The following DMD variants were observed in gnomAD, a reference collection of about 807,000 sequenced individuals.
DMD encodes dystrophin.
DMD carries 63 observed loss-of-function variants against 330.1 expected under a neutral mutation model. The observed-to-expected ratio is 0.19, with a 90% confidence interval of 0.16 to 0.24. The LOEUF (loss-of-function observed/expected upper bound fraction) is 0.24, where lower values mean the gene tolerates loss of function less well. Ranked by LOEUF, DMD falls within the 10% of genes least tolerant of loss-of-function variation. The pLI, the probability that DMD is intolerant of heterozygous loss-of-function variation, is 1.00. For synonymous variants in DMD, 1,223 were observed against 959.8 expected (o/e 1.27, Z -5.07); for missense variants, 3,344 against 2,684.1 (o/e 1.25, Z -5.43).
chrX:31,468,310 G>A (rs1429048796), intron 59 of DMD, among the ~76,000 whole-genome samples: 1 of 112,105 alleles, frequency 8.9e-6, no homozygotes, highest in Non-Finnish European at 1.9e-5. Context: ...TTTTAATGCT[G>A]TAAATTTCCC....
At chrX:32,655,610 A>G (rs1409509629) in intron 9 of DMD, among the ~76,000 whole-genome samples, 1 of 111,923 alleles carries the variant, frequency 8.9e-6, no homozygotes, top group East Asian at 2.8e-4. Context: ...AAGAATGTAT[A>G]ATCTGTTGAT....
chrX:33,253,470 C>A (rs2052804423), intron 1 of DMD, among the ~76,000 whole-genome samples: 1 of 111,289 alleles, frequency 9.0e-6, no homozygotes, highest in Non-Finnish European at 1.9e-5. Flanking sequence ...AAGCTTCATC[C>A]ATTTTATTAA....
intron 44 of DMD, among the ~76,000 whole-genome samples, chrX:32,127,530 C>A (rs185914508): frequency 9.0e-6 from 1 of 111,346 alleles, no homozygotes; most frequent in East Asian, 2.8e-4. Context: ...AATGAACCCC[C>A]ACTCCTTCTC....
chrX:33,026,268 T>C (rs1268118731), intron 1 of DMD, among the ~76,000 whole-genome samples: 1 of 85,750 alleles, frequency 1.2e-5, no homozygotes, highest in Non-Finnish European at 2.1e-5. Flanking sequence ...TGAGCCAAGA[T>C]CGTGCCACTG....
chrX:31,926,012 G>A (rs962556355), intron 47 of DMD, among the ~76,000 whole-genome samples: 4 of 111,120 alleles, frequency 3.6e-5, no homozygotes, highest in African/African-American at 1.3e-4. Flanking sequence ...TGGCGAGAGA[G>A]CCTCCTACAC....
At chrX:31,939,493 A>G (rs1012954632) in intron 45 of DMD, among the ~76,000 whole-genome samples, 1 of 112,014 alleles carries the variant, frequency 8.9e-6, no homozygotes, top group East Asian at 2.8e-4. Context: ...CCAAATCTAA[A>G]TGCTGCCAGT....
intron 68 of DMD, among the ~76,000 whole-genome samples, chrX:31,181,777 A>C (rs974657167): frequency 8.9e-6 from 1 of 112,769 alleles, no homozygotes; most frequent in East Asian, 2.8e-4. Context: ...AAAGTAACAA[A>C]ACCAGTTCAC....
intron 50 of DMD, among the ~76,000 whole-genome samples, chrX:31,794,593 C>G (rs974227817): frequency 1.8e-5 from 2 of 111,510 alleles, no homozygotes; most frequent in African/African-American, 6.5e-5. Flanking sequence ...AAAATTAAAC[C>G]TAGAGGACGC....
chrX:31,504,550 T>C (rs2070741686), intron 56 of DMD, among the ~76,000 whole-genome samples: 2 of 111,840 alleles, frequency 1.8e-5, no homozygotes, highest in Non-Finnish European at 1.9e-5. Flanking sequence ...GTGGCAACTT[T>C]TCATTTTAAA....
At chrX:33,050,457 C>T (rs772844456) in intron 1 of DMD, among the ~76,000 whole-genome samples, 1 of 111,557 alleles carries the variant, frequency 9.0e-6, no homozygotes, top group Non-Finnish European at 1.9e-5. Context: ...AAAAAATGCA[C>T]GCAGAATAAA....
At chrX:32,830,769 G>A (rs1447457227) in intron 4 of DMD, among the ~76,000 whole-genome samples, 2 of 111,150 alleles carry the variant, frequency 1.8e-5, no homozygotes, top group Non-Finnish European at 3.8e-5. Context: ...TGTTATCTTC[G>A]GAAGTTGCTT....
At chrX:31,979,693 G>A (rs890968112) in intron 44 of DMD, among the ~76,000 whole-genome samples, 6 of 112,215 alleles carry the variant, frequency 5.3e-5, no homozygotes, top group African/African-American at 1.9e-4. Flanking sequence ...CTTCATATTA[G>A]TGGTGGGGTT....
At chrX:31,314,758 G>GAA (rs1569524502) in intron 62 of DMD, among the ~76,000 whole-genome samples, 21 of 105,166 alleles carry the variant, frequency 2.0e-4, no homozygotes, top group Non-Finnish European at 3.1e-4. Flanking sequence ...GAGAGAGAGA[G>GAA]AGAGAGAGAG....
chrX:32,967,882 G>A (rs2092227474), intron 2 of DMD, among the ~76,000 whole-genome samples: 1 of 111,987 alleles, frequency 8.9e-6, no homozygotes, highest in South Asian at 3.7e-4. Context: ...AGTGCCATGT[G>A]AAGCCTCTTC....
intron 55 of DMD, among the ~76,000 whole-genome samples, chrX:31,548,488 C>T (rs2074280677): frequency 9.0e-6 from 1 of 111,041 alleles, no homozygotes; most frequent in Non-Finnish European, 1.9e-5. Context: ...TGAAATTACT[C>T]CAGAGCCTTT....
chrX:31,825,261 CT>C (rs1444230691), intron 49 of DMD, among the ~76,000 whole-genome samples: 1 of 111,757 alleles, frequency 8.9e-6, no homozygotes, highest in East Asian at 2.8e-4. Context: ...AAACTTAAAA[CT>C]GAGAAATGTG....
intron 7 of DMD, among the ~76,000 whole-genome samples, chrX:32,792,725 T>A (rs766688543): frequency 8.9e-6 from 1 of 112,183 alleles, no homozygotes. Context: ...AATAAGGTCA[T>A]TATATAATGA....
rs371408997 is a variant in DMD at position 32,644,337 on chromosome X, T to G, written c.1150-24A>C. 26 of 1,197,704 alleles carry G rather than the reference T, an allele frequency of 2.2e-5. No individual in the cohort carries two copies. The African/African-American group carries it at 4.4e-4, about 20-fold the overall frequency. Reference sequence around the variant, plus strand: ...CCCTGACAAAGAAGGAAGTTAACAATTGTAATTAGAACTCTAGGTAAATCG... The same window carrying G: ...CCCTGACAAAGAAGGAAGTTAACAAGTGTAATTAGAACTCTAGGTAAATCG... On this transcript the variant is annotated intron_variant, in intron 10 of 78. Coordinates refer to ENST00000357033, the MANE Select transcript of DMD (RefSeq NM_004006.3).
chrX:32,632,855 G>A (rs1019129014), intron 11 of DMD, among the ~76,000 whole-genome samples: 3 of 112,514 alleles, frequency 2.7e-5, no homozygotes, highest in African/African-American at 9.7e-5. Context: ...GGGAGGGGCT[G>A]CCTTTTAGAT....
Sources: gnomAD v4.1 joint callset for allele counts (sites outside exome capture counted in the v4.1 genomes callset) on GRCh38, gnomAD v4.1.1 for gene constraint, MANE v1.5 for transcripts, NCBI Gene and HGNC (gene_info 2026-07-23, HGNC 2026-07-21) for gene names.